TMEM177: variants seen among roughly 807,000 people sequenced by gnomAD.
TMEM177 encodes transmembrane protein 177.
Under a neutral mutation model 14.2 loss-of-function variants are expected in TMEM177, and 4 were observed. That is an observed-to-expected ratio of 0.28 (90% confidence interval 0.14 to 0.64). The LOEUF is 0.64. Among genes scored for constraint, TMEM177 ranks in the 30% least tolerant of loss-of-function variants. The probability of loss-of-function intolerance (pLI) is 0.82; values close to 1 mark genes in which losing one functional copy is unlikely to be tolerated. For missense variants in TMEM177, 344 were observed against 405.2 expected (o/e 0.85, Z 1.30); for synonymous variants, 179 against 174.5 (o/e 1.03, Z -0.20).
the TMEM177 span, among the ~76,000 whole-genome samples, chr2:119,712,713 T>G: frequency 2.0e-5 from 3 of 152,198 alleles, no homozygotes; most frequent in South Asian, 6.2e-4. Flanking sequence ...AGCCTGACAC[T>G]GAAAGTTGGT....
In TMEM177 at chr2:119,681,960, T is replaced by C. The variant is rs960617982; in HGVS notation, c.*171T>C. On this transcript the variant is annotated 3_prime_UTR_variant, in exon 2 of 2. Transcript: ENST00000272521. ...CCACTACTTATGAACTCAGGGACTA[T>C]GAGGGACTATTCAGGGGCTATGAAT... The C allele has an allele frequency of 1.6e-6, 1 of 631,674 alleles. No homozygotes were observed. The highest frequency in any genetic ancestry group is 2.8e-6 in the Non-Finnish European group (1 of 355,068). 39.1% of individuals were successfully genotyped at this position (631,674 alleles called of 1,614,324 possible). A position where few individuals can be genotyped will look rare whatever the true frequency, so the allele number is the denominator to read the frequency against.
chr2:119,693,531 C>A, the TMEM177 span, among the ~76,000 whole-genome samples: 1 of 152,160 alleles, frequency 6.6e-6, no homozygotes, highest in Non-Finnish European at 1.5e-5. Flanking sequence ...GGGAGCCACT[C>A]AGACCGTCCA....
chr2:119,711,527 G>A, the TMEM177 span, among the ~76,000 whole-genome samples: 9 of 152,296 alleles, frequency 5.9e-5, no homozygotes, highest in Non-Finnish European at 1.3e-4. Flanking sequence ...GCAGAAACAC[G>A]CAAGTCCTGG....
the TMEM177 span, among the ~76,000 whole-genome samples, chr2:119,706,019 A>ATATATATTATATATT: frequency 1.4e-4 from 19 of 136,222 alleles, no homozygotes; most frequent in African/African-American, 5.3e-4. Context: ...TATTATATAT[A>ATATATATTATATATT]TTTATATATA....
the TMEM177 span, among the ~76,000 whole-genome samples, chr2:119,709,538 T>C: frequency 4.5e-4 from 68 of 152,212 alleles, 1 homozygote; most frequent in African/African-American, 1.3e-3. Flanking sequence ...ATAAAAATAT[T>C]AGGCTGGGCA....
chr2:119,723,552 C>T, the TMEM177 span, among the ~76,000 whole-genome samples: 10 of 152,180 alleles, frequency 6.6e-5, no homozygotes, highest in East Asian at 9.6e-4. Context: ...AAACATCCAA[C>T]GTGAGAAAAA....
chr2:119,723,394 C>T, the TMEM177 span, among the ~76,000 whole-genome samples: 3 of 152,184 alleles, frequency 2.0e-5, no homozygotes, highest in African/African-American at 2.4e-5. Flanking sequence ...CTAAGCTGAA[C>T]GTCCTCCCAG....
At chr2:119,718,876 C>G in the TMEM177 span, among the ~76,000 whole-genome samples, 14 of 152,248 alleles carry the variant, frequency 9.2e-5, no homozygotes, top group South Asian at 2.9e-3. Flanking sequence ...CCGATGTTTC[C>G]TATGAAAGCA....
chr2:119,689,280 A>C (rs991940843), downstream of TMEM177, among the ~76,000 whole-genome samples: 6 of 152,292 alleles, frequency 3.9e-5, no homozygotes, highest in African/African-American at 1.4e-4. Context: ...GAGTACCCTC[A>C]GCCAGCTCAG....
At chr2:119,719,278 C>T in the TMEM177 span, among the ~76,000 whole-genome samples, 1 of 152,152 alleles carries the variant, frequency 6.6e-6, no homozygotes, top group Non-Finnish European at 1.5e-5. Context: ...CTTGTTTTTG[C>T]ACTTAATCTT....
At chr2:119,695,146 A>G in the TMEM177 span, among the ~76,000 whole-genome samples, 2 of 152,230 alleles carry the variant, frequency 1.3e-5, no homozygotes, top group Non-Finnish European at 2.9e-5. Flanking sequence ...GGTAGGAAAG[A>G]GTCTCTCTGT....
the TMEM177 span, among the ~76,000 whole-genome samples, chr2:119,721,808 AG>A: frequency 1.3e-5 from 2 of 152,254 alleles, no homozygotes; most frequent in Non-Finnish European, 2.9e-5. Flanking sequence ...CAAGAGAGAT[AG>A]AAGAGCCTTT....
the TMEM177 span, among the ~76,000 whole-genome samples, chr2:119,704,551 T>C: frequency 6.6e-6 from 1 of 152,028 alleles, no homozygotes; most frequent in Non-Finnish European, 1.5e-5. Context: ...TGAGCCAAGA[T>C]TGTGCCACTG....
At chr2:119,707,184 C>T in the TMEM177 span, among the ~76,000 whole-genome samples, 4 of 152,134 alleles carry the variant, frequency 2.6e-5, no homozygotes, top group Middle Eastern at 3.2e-3. Flanking sequence ...CCACTGCGCC[C>T]GGCCTGAGAC....
chr2:119,690,585 A>G (rs1159984648), downstream of TMEM177, among the ~76,000 whole-genome samples: 2 of 152,184 alleles, frequency 1.3e-5, no homozygotes, highest in Non-Finnish European at 2.9e-5. Flanking sequence ...CCTGAGGAGC[A>G]AACTGAGGAG....
the TMEM177 span, among the ~76,000 whole-genome samples, chr2:119,709,073 G>C: frequency 6.6e-6 from 1 of 152,208 alleles, no homozygotes; most frequent in Non-Finnish European, 1.5e-5. Flanking sequence ...GGGAAGCTAA[G>C]TAATTTGTCT....
At chr2:119,702,231 T>C in the TMEM177 span, among the ~76,000 whole-genome samples, 2 of 152,262 alleles carry the variant, frequency 1.3e-5, no homozygotes, top group Non-Finnish European at 2.9e-5. Context: ...GCTTAAATGT[T>C]AGAAGCAAGA....
chr2:119,699,436 G>T, the TMEM177 span, among the ~76,000 whole-genome samples: 4 of 152,170 alleles, frequency 2.6e-5, no homozygotes, highest in South Asian at 2.1e-4. Flanking sequence ...AGGGCTCTTT[G>T]TCCCACAGCT....
chr2:119,710,451 G>A, the TMEM177 span, among the ~76,000 whole-genome samples: 12 of 152,268 alleles, frequency 7.9e-5, no homozygotes, highest in East Asian at 1.5e-3. Flanking sequence ...AGCCCTACCC[G>A]CGAGTTTCGT....
Sources: gnomAD v4.1 joint callset for allele counts (sites outside exome capture counted in the v4.1 genomes callset) on GRCh38, gnomAD v4.1.1 for gene constraint, MANE v1.5 for transcripts, NCBI Gene and HGNC (gene_info 2026-07-23, HGNC 2026-07-21) for gene names.